BCR: variants seen among roughly 807,000 people sequenced by gnomAD.
BCR encodes the protein BCR activator of RhoGEF and GTPase.
In BCR, 58 loss-of-function variants were observed where a neutral mutation model predicts 138.6. That is an observed-to-expected ratio of 0.42 (90% CI 0.34 to 0.52). The LOEUF (loss-of-function observed/expected upper bound fraction) is 0.52. BCR is among the 20% of genes least tolerant of loss of function. The pLI, the probability that BCR is intolerant of heterozygous loss-of-function variation, is 0.06. For synonymous variants in BCR, 786 were observed against 730.1 expected (o/e 1.08, Z -1.23); for missense variants, 1,599 against 1,727.2 (o/e 0.93, Z 1.32).
intron 1 of BCR, among the ~76,000 whole-genome samples, chr22:23,221,393 C>T (rs2072822709): frequency 6.6e-6 from 1 of 152,220 alleles, no homozygotes; most frequent in Non-Finnish European, 1.5e-5. Context: ...CTCCCTCCTT[C>T]ACCCTGTTCC....
At position 23,315,553 on chromosome 22, in the gene BCR, G is replaced by A; in HGVS notation, c.*31G>A. ...CCAGTCCATCTCCTGGAGGCGGACA[G>A]ATGGCCTGGAAACCTCTGGCTAATC... On this transcript the variant is annotated 3_prime_UTR_variant, in exon 23 of 23. Coordinates refer to ENST00000305877, the MANE Select transcript of BCR (RefSeq NM_004327.4). The A allele has an allele frequency of 6.3e-7, 1 of 1,599,334 alleles. No individual in the cohort carries two copies. The highest frequency in any genetic ancestry group is 8.6e-7 in the Non-Finnish European group (1 of 1,168,906).
Position 23,314,593 on chromosome 22 carries a change from A to C in BCR, c.3605A>C (p.Asn1202Thr), listed in dbSNP as rs746801367. The C allele has an allele frequency of 6.2e-7, 1 of 1,611,848 alleles. No homozygotes were observed. The highest frequency in any genetic ancestry group is 8.5e-7 in the Non-Finnish European group (1 of 1,179,818). Residue 1202 changes from asparagine (N) to threonine (T), a missense_variant, in exon 22 of 23, where the codon AAC (asparagine) becomes ACC (threonine). Transcript: ENST00000305877. Reference sequence around the variant, plus strand: ...GCAGTCAATAAGATGTCCCTGCACAACCTCGCCACGGTCTTTGGCCCCACG... The same window carrying C: ...GCAGTCAATAAGATGTCCCTGCACACCCTCGCCACGGTCTTTGGCCCCACG... Reference protein sequence around the residue: ...KEAVNKMSLHNLATVFGPTLL... With the variant: ...KEAVNKMSLHTLATVFGPTLL...
At chr22:23,274,071 A>G (rs972813773) in intron 8 of BCR, among the ~76,000 whole-genome samples, 1 of 151,566 alleles carries the variant, frequency 6.6e-6, no homozygotes, top group African/African-American at 2.4e-5. Flanking sequence ...TTTATCCCCC[A>G]CAGTCTTGCC....
chr22:23,203,962 G>A (rs1446024538), intron 1 of BCR, among the ~76,000 whole-genome samples: 1 of 152,180 alleles, frequency 6.6e-6, no homozygotes, highest in Non-Finnish European at 1.5e-5. Flanking sequence ...GGCAGAAGCT[G>A]GGCTGGGACG....
intron 14 of BCR, 103 bp from the exon 15 acceptor site, chr22:23,292,438 A>G (rs958297237): frequency 3.4e-6 from 3 of 883,006 alleles, no homozygotes; most frequent in South Asian, 3.0e-5. Context: ...TTTTTTTTTT[A>G]TTTTTATTTT....
chr22:23,242,593 T>G (rs1246429606), intron 1 of BCR, among the ~76,000 whole-genome samples: 1 of 152,196 alleles, frequency 6.6e-6, no homozygotes, highest in East Asian at 1.9e-4. Context: ...GGGGCGTCTT[T>G]GCAGCTCCCT....
chr22:23,262,304 C>T (rs554116202), intron 4 of BCR, among the ~76,000 whole-genome samples: 35 of 152,348 alleles, frequency 2.3e-4, no homozygotes, highest in African/African-American at 8.2e-4. Context: ...CAGCTCTGGC[C>T]TCGGGCCTCC....
chr22:23,273,554 A>T (rs2073534495), intron 7 of BCR, 80 bp from the exon 8 acceptor site: 1 of 1,588,902 alleles, frequency 6.3e-7, no homozygotes, highest in South Asian at 1.1e-5. Flanking sequence ...CTCCGTCCAC[A>T]CTTTGTGTCT....
At chr22:23,198,044 C>A (rs879861468) in intron 1 of BCR, among the ~76,000 whole-genome samples, 1 of 151,964 alleles carries the variant, frequency 6.6e-6, no homozygotes, top group Non-Finnish European at 1.5e-5. Context: ...TTGGGCCTTG[C>A]GTCCTGGGGG....
chr22:23,195,612 C>T (rs2072469963), intron 1 of BCR, among the ~76,000 whole-genome samples: 3 of 149,900 alleles, frequency 2.0e-5, no homozygotes, highest in African/African-American at 7.4e-5. Flanking sequence ...ACCGGCCGGG[C>T]GCGGTGGCTC....
chr22:23,265,070 A>G (rs542135723), intron 4 of BCR: 79 of 152,348 alleles, frequency 5.2e-4, no homozygotes, highest in African/African-American at 1.6e-3. Context: ...TTGGGGGGAA[A>G]AAAACACACA....
In BCR at chr22:23,288,118, TCTGA is replaced by T; in HGVS notation, c.2551_2554del (p.Asp851MetfsTer23). 1 of 1,614,064 alleles carries T rather than the reference TCTGA, an allele frequency of 6.2e-7. No individual in the cohort carries two copies. The highest frequency in any genetic ancestry group is 8.5e-7 in the Non-Finnish European group (1 of 1,179,952). On this transcript the variant is annotated frameshift_variant, in exon 12 of 23. Coordinates refer to ENST00000305877, the MANE Select transcript of BCR (RefSeq NM_004327.4). LOFTEE classifies it high-confidence loss of function. ...CTAGAGTTACACGTTCCTGATCTCC[TCTGA>T]CTATGAGCGTGCAGAGTGGAGGGAG...
At chr22:23,239,715 A>T (rs2073067493) in intron 1 of BCR, among the ~76,000 whole-genome samples, 1 of 152,220 alleles carries the variant, frequency 6.6e-6, no homozygotes, top group Admixed American at 6.5e-5. Context: ...GAAATATGAG[A>T]TTGAGATGTT....
chr22:23,210,488 A>ACGTATGTG (rs2072669004), intron 1 of BCR, among the ~76,000 whole-genome samples: 1 of 152,070 alleles, frequency 6.6e-6, no homozygotes, highest in East Asian at 1.9e-4. Flanking sequence ...GTATATGTGC[A>ACGTATGTG]CGTATGTGCA....
chr22:23,235,345 G>A (rs1374656081), intron 1 of BCR, among the ~76,000 whole-genome samples: 1 of 144,702 alleles, frequency 6.9e-6, no homozygotes, highest in African/African-American at 2.4e-5. Context: ...ATCCCAAAGT[G>A]CTGAGATTAC....
At chr22:23,263,150 C>G in intron 4 of BCR, 1 of 742,200 alleles carries the variant, frequency 1.3e-6, no homozygotes, top group Non-Finnish European at 2.1e-6. Context: ...CGGCGGCAGC[C>G]AGGGAGGAGG....
intron 4 of BCR, chr22:23,264,131 C>T: frequency 6.6e-7 from 1 of 1,521,984 alleles, no homozygotes; most frequent in East Asian, 2.3e-5. Context: ...AGCCCCACAA[C>T]AGCACCCTGT....
At chr22:23,187,621 A>C (rs367814640) in intron 1 of BCR, among the ~76,000 whole-genome samples, 1 of 151,914 alleles carries the variant, frequency 6.6e-6, no homozygotes, top group Non-Finnish European at 1.5e-5. Context: ...GGCGTGAGCC[A>C]CCACACCCAG....
At chr22:23,296,088 G>A (rs1257901726) in intron 16 of BCR, among the ~76,000 whole-genome samples, 1 of 49,096 alleles carries the variant, frequency 2.0e-5, no homozygotes, top group Non-Finnish European at 3.8e-5. Context: ...TAAATACCAA[G>A]TGCCAGGCTG....
Sources: allele counts gnomAD v4.1 joint callset (sites outside exome capture counted in the v4.1 genomes callset), GRCh38; gene constraint gnomAD v4.1.1; transcripts MANE v1.5; gene names NCBI Gene and HGNC (gene_info 2026-07-23, HGNC 2026-07-21).